Variants in MAPK4 observed in about 807,000 individuals in gnomAD.
MAPK4 encodes the protein Erk3-related.
In MAPK4, 22 loss-of-function variants were observed where a neutral mutation model predicts 47.7. The observed-to-expected ratio is 0.46, with a 90% CI of 0.33 to 0.66. MAPK4 has a LOEUF of 0.66. MAPK4 is among the 30% of genes least tolerant of loss of function. The probability of loss-of-function intolerance (pLI) is 0.02; values close to 1 mark genes in which losing one functional copy is unlikely to be tolerated. For synonymous variants in MAPK4, 390 were observed against 365.7 expected (o/e 1.07, Z -0.76); for missense variants, 736 against 831.7 (o/e 0.88, Z 1.42).
At chr18:50,709,557 C>G (rs1278316795) in intron 2 of MAPK4, among the ~76,000 whole-genome samples, 1 of 152,226 alleles carries the variant, frequency 6.6e-6, no homozygotes, top group Non-Finnish European at 1.5e-5. Flanking sequence ...TTCGCCTCCC[C>G]TGGGGAGCTC....
intron 1 of MAPK4, among the ~76,000 whole-genome samples, chr18:50,647,740 G>T (rs2144199010): frequency 6.6e-6 from 1 of 152,178 alleles, no homozygotes; most frequent in Non-Finnish European, 1.5e-5. Flanking sequence ...GTTCCTGCCT[G>T]CTGTGCCATT....
In MAPK4 at chr18:50,729,588, A is replaced by G; in HGVS notation, c.1498A>G (p.Thr500Ala). The G allele has an allele frequency of 1.4e-5, 20 of 1,407,664 alleles. No homozygotes were observed. Among genetic ancestry groups the G allele is most frequent in the Non-Finnish European group, 1.8e-5 (20 of 1,081,998 alleles). 87.2% of individuals were successfully genotyped at this position (1,407,664 alleles called of 1,614,324 possible). The change falls in exon 6 of 6, where the codon ACG becomes GCG. Residue 500 changes from threonine to alanine, a missense_variant. This residue lies in a region of MAPK4 where 377 missense variants were observed against 378.6 expected (regional missense o/e 1.00). Transcript: ENST00000400384. The stretch of plus-strand genomic sequence containing the variant: ...GGAGATCGCGCAGTGGGTCAAGAGC[A>G]CGCAGGGCGGCCCAGAGCACGCCAG... The part of the protein sequence containing the change: ...FLEIAQWVKS[T>A]QGGPEHASPP...
intron 2 of MAPK4, among the ~76,000 whole-genome samples, chr18:50,670,388 C>T (rs990623346): frequency 6.6e-6 from 1 of 152,106 alleles, no homozygotes; most frequent in Non-Finnish European, 1.5e-5. Context: ...GCTTCATAGC[C>T]CTCTGTCTTC....
At chr18:50,588,285 G>A (rs1304475298) in intron 1 of MAPK4, among the ~76,000 whole-genome samples, 1 of 152,290 alleles carries the variant, frequency 6.6e-6, no homozygotes, top group East Asian at 1.9e-4. Flanking sequence ...GACCGAGAAG[G>A]CTTTGCTGTC....
At chr18:50,710,210 C>T (rs1366376200) in intron 2 of MAPK4, among the ~76,000 whole-genome samples, 8 of 152,192 alleles carry the variant, frequency 5.3e-5, no homozygotes, top group African/African-American at 1.2e-4. Flanking sequence ...AGGCCAGGCA[C>T]GGTGGCTCAT....
chr18:50,587,096 C>A (rs1053745713), intron 1 of MAPK4, among the ~76,000 whole-genome samples: 6 of 152,198 alleles, frequency 3.9e-5, no homozygotes, highest in African/African-American at 1.4e-4. Flanking sequence ...GTTATTATCT[C>A]TATCATATAA....
intron 2 of MAPK4, among the ~76,000 whole-genome samples, chr18:50,672,498 G>A (rs775746925): frequency 5.9e-5 from 9 of 152,108 alleles, no homozygotes; most frequent in Non-Finnish European, 1.3e-4. Context: ...CATTGTGTTG[G>A]CGTTCAGTGC....
intron 2 of MAPK4, among the ~76,000 whole-genome samples, chr18:50,684,724 G>C (rs573874177): frequency 8.6e-5 from 13 of 151,986 alleles, no homozygotes; most frequent in South Asian, 4.2e-4. Context: ...AGGGAGGTCA[G>C]ATTGCTCCAA....
chr18:50,579,680 T>TG (rs1249413762), intron 1 of MAPK4, among the ~76,000 whole-genome samples: 2 of 152,280 alleles, frequency 1.3e-5, no homozygotes, highest in East Asian at 3.9e-4. Flanking sequence ...CCCTTCAATT[T>TG]GGGGGCTTAC....
intron 2 of MAPK4, among the ~76,000 whole-genome samples, chr18:50,700,595 A>C (rs947069869): frequency 1.3e-5 from 2 of 152,112 alleles, no homozygotes; most frequent in Non-Finnish European, 2.9e-5. Flanking sequence ...GTTGTGGAAA[A>C]CTGTGAAGCA....
Position 50,731,293 on chromosome 18 carries a change from T to G in MAPK4, c.*1439T>G, listed in dbSNP as rs934684522. 6.6e-6 allele frequency: 1 copy of G among 152,286 alleles called. No homozygotes were observed. The highest frequency in any genetic ancestry group is 1.5e-5 in the Non-Finnish European group (1 of 68,110). 9.4% of individuals were successfully genotyped at this position (152,286 alleles called of 1,614,324 possible). A position where few individuals can be genotyped will look rare whatever the true frequency, so the allele number is the denominator to read the frequency against. On this transcript the variant is annotated 3_prime_UTR_variant, in exon 6 of 6. Transcript: ENST00000400384. ...CTGCAGAAGCGTGGGGTGGGGACAC[T>G]GACAGCCCCTATCTGGTCCCCAGGA...
chr18:50,656,745 T>C (rs541189465), intron 1 of MAPK4, among the ~76,000 whole-genome samples: 1 of 152,272 alleles, frequency 6.6e-6, no homozygotes, highest in East Asian at 1.9e-4. Context: ...TGAATGTTCC[T>C]GCATTGTTTC....
intron 2 of MAPK4, among the ~76,000 whole-genome samples, chr18:50,709,020 T>C (rs539161821): frequency 1.3e-5 from 2 of 152,216 alleles, no homozygotes; most frequent in South Asian, 4.1e-4. Context: ...TCTCACACAT[T>C]GGCTCTCGGC....
chr18:50,692,656 T>C (rs1323629407), intron 2 of MAPK4, among the ~76,000 whole-genome samples: 1 of 152,124 alleles, frequency 6.6e-6, no homozygotes, highest in Non-Finnish European at 1.5e-5. Flanking sequence ...TATGAGCTGT[T>C]TGCAGCTCTT....
intron 2 of MAPK4, among the ~76,000 whole-genome samples, chr18:50,670,870 C>G (rs1433293102): frequency 6.6e-6 from 1 of 152,114 alleles, no homozygotes; most frequent in Non-Finnish European, 1.5e-5. Context: ...CAGGTTCCAT[C>G]TCAAACAACA....
At chr18:50,622,247 T>C (rs2042738719) in intron 1 of MAPK4, among the ~76,000 whole-genome samples, 1 of 152,124 alleles carries the variant, frequency 6.6e-6, no homozygotes, top group Non-Finnish European at 1.5e-5. Context: ...TGCGCCAAGA[T>C]TAACTTGAAG....
At chr18:50,696,096 T>C (rs982844572) in intron 2 of MAPK4, among the ~76,000 whole-genome samples, 7 of 141,960 alleles carry the variant, frequency 4.9e-5, no homozygotes, top group East Asian at 2.1e-4. Context: ...GCTCCCCTGA[T>C]TAAAAAAAAA....
intron 2 of MAPK4, among the ~76,000 whole-genome samples, chr18:50,712,367 T>C (rs934319820): frequency 6.6e-6 from 1 of 152,050 alleles, no homozygotes; most frequent in Non-Finnish European, 1.5e-5. Flanking sequence ...GCAGAGGTTG[T>C]AGTGAGCCAC....
intron 1 of MAPK4, among the ~76,000 whole-genome samples, chr18:50,643,781 G>C (rs2042963054): frequency 6.6e-6 from 1 of 152,162 alleles, no homozygotes; most frequent in South Asian, 2.1e-4. Flanking sequence ...GTTGACCTCA[G>C]TCTAGGGCCT....
Sources: gnomAD v4.1 joint callset for allele counts (sites outside exome capture counted in the v4.1 genomes callset) on GRCh38, gnomAD v4.1.1 for gene constraint, gnomAD v4.1.1 regional missense constraint, MANE v1.5 for transcripts, NCBI Gene and HGNC (gene_info 2026-07-23, HGNC 2026-07-21) for gene names.